The following MAVS variants were observed in gnomAD, a reference collection of about 807,000 sequenced individuals.
The protein encoded by MAVS is mitochondrial antiviral signaling protein, also known as mitochondrial antiviral-signaling protein.
Under a neutral mutation model 30.2 loss-of-function variants are expected in MAVS, and 20 were observed. The ratio of observed to expected loss-of-function variants is 0.66; its 90% CI spans 0.47 to 0.96. The LOEUF is 0.96. Among genes scored for constraint, MAVS ranks in the 40% least tolerant of loss-of-function variants. The pLI is 0.00. For missense variants in MAVS, 624 were observed against 701.1 expected (o/e 0.89, Z 1.24); for synonymous variants, 278 against 293.9 (o/e 0.95, Z 0.55).
chr20:3,848,311 C>A (rs1407388514), intron 1 of MAVS, among the ~76,000 whole-genome samples: 1 of 152,126 alleles, frequency 6.6e-6, no homozygotes, highest in African/African-American at 2.4e-5. Context: ...GTTGGCCAGG[C>A]TGGTCTCAAA....
At chr20:3,852,776 T>G (rs1166565323) in intron 1 of MAVS, among the ~76,000 whole-genome samples, 2 of 151,828 alleles carry the variant, frequency 1.3e-5, no homozygotes, top group Non-Finnish European at 2.9e-5. Context: ...GCGATCCTCC[T>G]GCCCTAGCTT....
At position 3,865,323 on chromosome 20, in the gene MAVS, T is replaced by C. The variant is rs1390050306; in HGVS notation, c.1159-360T>C. Among the ~76,000 whole-genome samples the C allele has an allele frequency of 6.6e-6, 1 of 152,124 alleles. No individual in the cohort carries two copies. The highest frequency in any genetic ancestry group is 6.5e-5 in the Admixed American group (1 of 15,268). On this transcript the variant is annotated intron_variant, in intron 6 of 6. Transcript: ENST00000428216. The surrounding 1 kb of genome is among the most constrained non-coding windows in gnomAD (Gnocchi z 4.7). The stretch of plus-strand genomic sequence containing the variant: ...TGTCTGCTGGGAAGAGCCAAGTCCA[T>C]AGGGCCCTTTGGGCACATGGCCAGG...
intron 1 of MAVS, among the ~76,000 whole-genome samples, chr20:3,847,936 T>C (rs1256286126): frequency 6.6e-6 from 1 of 152,172 alleles, no homozygotes; most frequent in Non-Finnish European, 1.5e-5. Context: ...TGTGCCTGTC[T>C]ACAATGGGCC....
rs1293885836 is a variant in MAVS at position 3,869,497 on chromosome 20, G to A, written c.*3350G>A. On this transcript the variant is annotated 3_prime_UTR_variant, in exon 7 of 7. Transcript: ENST00000428216. ...CAAATTAAATTTTTTATAGAGATGA[G>A]GTCATGCTGTTATGTTGCCCAGGTT... 2.0e-5 allele frequency: 3 copies of A among 152,082 alleles called. No individual in the cohort carries two copies. The highest frequency in any genetic ancestry group is 4.4e-5 in the Non-Finnish European group (3 of 68,050). The allele number at this position is 152,082 out of a possible 1,614,324, so 9.4% of individuals were successfully genotyped here.
In MAVS at chr20:3,864,352, C is replaced by T. The variant is rs1477560959; in HGVS notation, c.722C>T (p.Pro241Leu). 4 of 1,614,076 alleles carry T rather than the reference C, an allele frequency of 2.5e-6. No homozygotes were observed. The highest frequency in any genetic ancestry group is 3.4e-6 in the Non-Finnish European group (4 of 1,180,012). The change falls in exon 6 of 7, where the codon CCT becomes CTT. Residue 241 changes from proline to leucine, a missense_variant. Pro to Leu is a moderately conservative substitution (Grantham distance 98). Transcript: ENST00000428216. Reference sequence around the variant, plus strand: ...TCCACCCCCAGGGCAAGCCGCTTGCCTGGACCCACAGGGTCAGTTGTATCT... The same window carrying T: ...TCCACCCCCAGGGCAAGCCGCTTGCTTGGACCCACAGGGTCAGTTGTATCT... ...ARSTPRASRLPGPTGSVVSTG... is the reference protein window; with the variant it reads ...ARSTPRASRLLGPTGSVVSTG...
chr20:3,858,018 CCT>C lies in MAVS; in HGVS notation c.292+214_292+215del. 4.9e-6 allele frequency: 3 copies of C among 614,112 alleles called. No individual in the cohort carries two copies. In the South Asian group the frequency reaches 5.6e-5, roughly 11 times the overall value. The allele number at this position is 614,112 out of a possible 1,614,324, so 38.0% of individuals were successfully genotyped here. A position where few individuals can be genotyped will look rare whatever the true frequency, so the allele number is the denominator to read the frequency against. On this transcript the variant is annotated intron_variant, in intron 3 of 6. Transcript: ENST00000428216. ...TCCCTTAATTTCCCTGAGCCTCAGG[CCT>C]CTCTTCTGTAAAATGAAGCTCATGG...
In MAVS at chr20:3,874,292, G is replaced by A. The variant is rs1600462529; in HGVS notation, c.*8145G>A. ...AACAGGGGAGGGATACTGGGGAGGG[G>A]CATCCTGGAGTGCTGGTCTACCTCA... On this transcript the variant is annotated 3_prime_UTR_variant, in exon 7 of 7. Transcript: ENST00000428216. The A allele has an allele frequency of 7.5e-6, 3 of 398,388 alleles. No individual in the cohort carries two copies. In the East Asian group the frequency reaches 1.1e-4, roughly 14 times the overall value. 24.7% of individuals were successfully genotyped at this position (398,388 alleles called of 1,614,324 possible).
At chr20:3,857,083 T>C (rs914564774) in intron 2 of MAVS, among the ~76,000 whole-genome samples, 7 of 151,180 alleles carry the variant, frequency 4.6e-5, no homozygotes, top group African/African-American at 1.5e-4. Flanking sequence ...GCCACTGTCA[T>C]CTGCCCACAA....
chr20:3,860,396 C>T (rs1437332651), intron 3 of MAVS, among the ~76,000 whole-genome samples: 5 of 128,718 alleles, frequency 3.9e-5, no homozygotes, highest in East Asian at 5.0e-4. Context: ...TTTTTTGAGA[C>T]GGAGTCTCGC....
Position 3,866,368 on chromosome 20 carries a change from T to G in MAVS, c.*221T>G, listed in dbSNP as rs1033941142. ...CTTGTGTGGGTCCCCGTCCTTGGCT[T>G]TCTGGGTCCTGGGCTGCCCCCAGTG... On this transcript the variant is annotated 3_prime_UTR_variant, in exon 7 of 7. Coordinates refer to ENST00000428216, the MANE Select transcript of MAVS (RefSeq NM_020746.5). 5.3e-6 allele frequency: 3 copies of G among 563,526 alleles called. No homozygotes were observed. The African/African-American group carries it at 5.6e-5, about 11-fold the overall frequency. The allele number at this position is 563,526 out of a possible 1,614,324, so 34.9% of individuals were successfully genotyped here.
At chr20:3,858,934 G>A (rs2146767454) in intron 3 of MAVS, among the ~76,000 whole-genome samples, 1 of 151,656 alleles carries the variant, frequency 6.6e-6, no homozygotes, top group South Asian at 2.1e-4. Flanking sequence ...AGAGTAGCTG[G>A]GACTACAGGC....
Position 3,854,759 on chromosome 20 carries a change from C to G in MAVS, c.117+18C>G. The G allele has an allele frequency of 3.2e-6, 5 of 1,550,904 alleles. No homozygotes were observed. The highest frequency in any genetic ancestry group is 4.5e-6 in the Non-Finnish European group (5 of 1,123,240). On this transcript the variant is annotated intron_variant, in intron 2 of 6. Coordinates refer to ENST00000428216, the MANE Select transcript of MAVS (RefSeq NM_020746.5). ...GAGACCAGGTGAGCAAGGGAAGTGA[C>G]AGCCCGACACTGGCCTGGGGGCAGG...
chr20:3,860,663 C>T (rs1181643433), intron 3 of MAVS, among the ~76,000 whole-genome samples: 1 of 151,554 alleles, frequency 6.6e-6, no homozygotes, highest in Non-Finnish European at 1.5e-5. Context: ...GCGTGAGCCA[C>T]CACGTCTGGC....
intron 2 of MAVS, among the ~76,000 whole-genome samples, chr20:3,857,324 G>A (rs1298075845): frequency 2.0e-5 from 3 of 152,172 alleles, no homozygotes; most frequent in Non-Finnish European, 4.4e-5. Flanking sequence ...CTTCTGCTAA[G>A]CCTCAGTTTC....
chr20:3,858,643 C>T lies in MAVS; in HGVS notation c.292+834C>T, dbSNP rs112234426. ...TCGCGCCACTGCACTCCAGCCTGGG[C>T]GACAGAGTGGGATTCCATCTCAAAA... On this transcript the variant is annotated intron_variant, in intron 3 of 6. Coordinates refer to ENST00000428216, the MANE Select transcript of MAVS (RefSeq NM_020746.5). 3.6e-4 allele frequency among the ~76,000 whole-genome samples: 48 copies of T among 134,412 alleles called. 1 individual carries two copies. The South Asian group carries it at 6.0e-3, about 17-fold the overall frequency. The allele number at this position is 134,412 out of a possible 152,430, so 88.2% of individuals were successfully genotyped here.
rs764692594 is a variant in MAVS at position 3,874,024 on chromosome 20, A to C, written c.*7877A>C. On this transcript the variant is annotated 3_prime_UTR_variant, in exon 7 of 7. Transcript: ENST00000428216. ...AACCCAAATGTCCATCCACCAACCC[A>C]AATGTCCATCCACAGTTGAAGCTAC... 1 of 398,316 alleles carries C rather than the reference A, an allele frequency of 2.5e-6. No individual in the cohort carries two copies. The highest frequency in any genetic ancestry group is 4.4e-6 in the Non-Finnish European group (1 of 226,030). 24.7% of individuals were successfully genotyped at this position (398,316 alleles called of 1,614,324 possible).
intron 3 of MAVS, 149 bp from the exon 4 acceptor site, chr20:3,861,183 A>G: frequency 1.5e-6 from 1 of 659,470 alleles, no homozygotes; most frequent in Non-Finnish European, 2.6e-6. Context: ...TTTTTAGTAG[A>G]GATGGGGTTT....
At chr20:3,847,084 T>C (rs2146749723) in intron 1 of MAVS, among the ~76,000 whole-genome samples, 181 bp downstream of exon 1, 1 of 152,222 alleles carries the variant, frequency 6.6e-6, no homozygotes, top group East Asian at 1.9e-4. Flanking sequence ...CGCAAGAGTT[T>C]CGGGAACACT....
In MAVS at chr20:3,866,217, C is replaced by T; in HGVS notation, c.*70C>T. 2 of 1,382,718 alleles carry T rather than the reference C, an allele frequency of 1.4e-6. No homozygotes were observed. The highest frequency in any genetic ancestry group is 1.9e-6 in the Non-Finnish European group (2 of 1,036,800). The allele number at this position is 1,382,718 out of a possible 1,614,324, so 85.7% of individuals were successfully genotyped here. On this transcript the variant is annotated 3_prime_UTR_variant, in exon 7 of 7. Coordinates refer to ENST00000428216, the MANE Select transcript of MAVS (RefSeq NM_020746.5). ...AGTACACCTGGCCCCTCTCCGAAGC[C>T]CCTTGTCCCTTTCTTGGGGATTGTG...
Sources: allele counts gnomAD v4.1 joint callset (sites outside exome capture counted in the v4.1 genomes callset), GRCh38; gene constraint gnomAD v4.1.1; non-coding constraint Gnocchi (gnomAD v3.1); transcripts MANE v1.5; gene names NCBI Gene and HGNC (gene_info 2026-07-23, HGNC 2026-07-21).